The following AGBL1 variants were observed in gnomAD, a reference collection of about 807,000 sequenced individuals.
AGBL1 encodes cytosolic carboxypeptidase 4.
A neutral mutation model predicts 118.9 loss-of-function variants in AGBL1; 130 were observed. The observed-to-expected ratio is 1.09, with a 90% CI of 0.95 to 1.26. AGBL1 has a LOEUF of 1.26. Among genes scored for constraint, AGBL1 ranks in the 50% most tolerant of loss-of-function variants. The pLI is 0.00. For missense variants in AGBL1, 1,584 were observed against 1,298.1 expected, an observed-to-expected ratio of 1.22 and a Z score of -3.38; for synonymous variants, 555 against 478.9, an observed-to-expected ratio of 1.16 and a Z score of -2.08.
At chr15:86,457,279 T>A (rs8041122) in intron 18 of AGBL1, among the ~76,000 whole-genome samples, 70,069 of 151,952 alleles carry the variant, frequency 0.46, 17,007 homozygotes, top group Middle Eastern at 0.57. Context: ...ACAAACTCCA[T>A]TTTTTTTGTG....
intron 22 of AGBL1, among the ~76,000 whole-genome samples, chr15:86,832,064 T>C (rs1283516235): frequency 6.6e-6 from 1 of 152,212 alleles, no homozygotes; most frequent in Non-Finnish European, 1.5e-5. Context: ...CTGAGCTCTA[T>C]GTCGGCCCCT....
intron 18 of AGBL1, among the ~76,000 whole-genome samples, chr15:86,464,072 A>C (rs1214841184): frequency 6.6e-6 from 1 of 152,166 alleles, no homozygotes; most frequent in African/African-American, 2.4e-5. Flanking sequence ...TCTATCCATG[A>C]GCATGGATTG....
Position 86,210,416 on chromosome 15 carries a change from A to G in AGBL1, c.489-14498A>G, listed in dbSNP as rs530961821. ...ATAATATCCTGAAGAGTGTTTTCCA[A>G]CTTGGTTTCATTCTCCCTGTCACTT... is the stretch of plus-strand genomic sequence containing the variant. On this transcript the variant is annotated intron_variant, in intron 5 of 22. Coordinates refer to ENST00000614907, the MANE Select transcript of AGBL1 (RefSeq NM_001386094.1). Among the ~76,000 whole-genome samples the G allele has an allele frequency of 2.6e-5, 4 of 152,304 alleles. No homozygotes were observed. In the East Asian group the frequency reaches 7.7e-4, roughly 29 times the overall value.
intron 22 of AGBL1, among the ~76,000 whole-genome samples, chr15:86,762,067 A>G (rs1333426471): frequency 6.6e-6 from 1 of 152,122 alleles, no homozygotes; most frequent in Admixed American, 6.6e-5. Flanking sequence ...TGTCATTTGC[A>G]GGGACATGGA....
chr15:86,118,393 C>G (rs17592910), intron 1 of AGBL1, among the ~76,000 whole-genome samples: 8,793 of 152,008 alleles, frequency 0.058, 398 homozygotes, highest in South Asian at 0.14. Flanking sequence ...AAAATGCTGT[C>G]TTTGCAAGAA....
At chr15:86,085,965 C>T (rs1027684100) in intron 1 of AGBL1, among the ~76,000 whole-genome samples, 1 of 152,188 alleles carries the variant, frequency 6.6e-6, no homozygotes, top group African/African-American at 2.4e-5. Flanking sequence ...TTGGATCTGT[C>T]TCCCTGAACA....
intron 6 of AGBL1, among the ~76,000 whole-genome samples, chr15:86,225,855 A>G (rs2078353935): frequency 6.6e-6 from 1 of 152,150 alleles, no homozygotes; most frequent in African/African-American, 2.4e-5. Flanking sequence ...CCATCCATAC[A>G]TCTCTGTCAA....
chr15:86,397,712 A>G (rs1332310749), intron 18 of AGBL1, among the ~76,000 whole-genome samples, 166 bp downstream of exon 18: 1 of 152,168 alleles, frequency 6.6e-6, no homozygotes, highest in African/African-American at 2.4e-5. Flanking sequence ...ATACACACTG[A>G]TGTCAGTCTC....
At chr15:86,484,626 C>T (rs1388597037) in intron 18 of AGBL1, among the ~76,000 whole-genome samples, 2 of 152,132 alleles carry the variant, frequency 1.3e-5, no homozygotes, top group East Asian at 3.9e-4. Flanking sequence ...AGCTTGAGTA[C>T]TCTCTCACCC....
chr15:86,934,019 A>G (rs763039731), intron 23 of AGBL1, among the ~76,000 whole-genome samples: 1 of 152,250 alleles, frequency 6.6e-6, no homozygotes, highest in Non-Finnish European at 1.5e-5. Context: ...TGTGGATTCT[A>G]TGATGAATCT....
chr15:86,287,522 T>C (rs1044213971), intron 16 of AGBL1, among the ~76,000 whole-genome samples: 2 of 152,184 alleles, frequency 1.3e-5, no homozygotes, highest in Admixed American at 6.6e-5. Context: ...TTTGAGTTGA[T>C]TCTTATATAA....
Position 86,419,492 on chromosome 15 carries a change from C to A in AGBL1, c.2555+21946C>A, listed in dbSNP as rs144367415. ...ACCAGGAGAATCCCTTGGGTGCCTA[C>A]ACCACCAAGGCCCTGGGTTTCAAGC... On this transcript the variant is annotated intron_variant, in intron 18 of 22. Transcript: ENST00000614907. Among the ~76,000 whole-genome samples, 423 of 152,192 alleles carry A rather than the reference C, an allele frequency of 2.8e-3. 1 individual carries two copies. The highest frequency in any genetic ancestry group is 3.8e-3 in the Non-Finnish European group (257 of 68,012).
chr15:86,407,043 T>TA (rs1237561418), intron 18 of AGBL1, among the ~76,000 whole-genome samples: 2 of 152,226 alleles, frequency 1.3e-5, no homozygotes, highest in African/African-American at 4.8e-5. Context: ...ATTCACAGAT[T>TA]ATATTCCTTG....
chr15:86,977,368 ATTG>A (rs1421096210), intron 23 of AGBL1, among the ~76,000 whole-genome samples: 4 of 150,796 alleles, frequency 2.7e-5, no homozygotes, highest in African/African-American at 9.7e-5. Context: ...TAAGTTCCTT[ATTG>A]TTCCTTTTTC....
chr15:86,456,205 C>T (rs1265422230), intron 18 of AGBL1, among the ~76,000 whole-genome samples: 1 of 152,152 alleles, frequency 6.6e-6, no homozygotes, highest in Non-Finnish European at 1.5e-5. Flanking sequence ...TGCTGCCAAT[C>T]TGAGTTGGGT....
At chr15:86,748,651 A>G (rs534225732) in intron 22 of AGBL1, among the ~76,000 whole-genome samples, 4 of 149,416 alleles carry the variant, frequency 2.7e-5, no homozygotes, top group Admixed American at 6.8e-5. Context: ...TAGGTCTAAC[A>G]TTTAAGTCTT....
intron 17 of AGBL1, among the ~76,000 whole-genome samples, chr15:86,388,418 G>C (rs775991573): frequency 6.6e-6 from 1 of 151,992 alleles, no homozygotes; most frequent in African/African-American, 2.4e-5. Context: ...GAAACCATTG[G>C]GTAAAAAGTT....
intron 18 of AGBL1, among the ~76,000 whole-genome samples, chr15:86,405,149 T>C (rs1567239750): frequency 6.6e-6 from 1 of 152,184 alleles, no homozygotes. Flanking sequence ...TTTTGCTATA[T>C]AATTGACTAT....
intron 1 of AGBL1, among the ~76,000 whole-genome samples, chr15:86,089,482 C>A (rs1380415541): frequency 6.6e-6 from 1 of 152,102 alleles, no homozygotes; most frequent in African/African-American, 2.4e-5. Context: ...ATCAGGAGGC[C>A]ATATGGCGAT....
Sources: gnomAD v4.1 joint callset for allele counts (sites outside exome capture counted in the v4.1 genomes callset) on GRCh38, gnomAD v4.1.1 for gene constraint, MANE v1.5 for transcripts, NCBI Gene and HGNC (gene_info 2026-07-23, HGNC 2026-07-21) for gene names.